ADGRV1: variants seen among roughly 807,000 people sequenced by gnomAD.
ADGRV1 encodes the protein adhesion G protein-coupled receptor V1.
ADGRV1 carries 359 observed loss-of-function variants against 596.2 expected under a neutral mutation model. The ratio of observed to expected loss-of-function variants is 0.60; its 90% confidence interval spans 0.55 to 0.66. ADGRV1 has a LOEUF of 0.66. Among genes scored for constraint, ADGRV1 ranks in the 30% least tolerant of loss-of-function variants. The pLI, the probability that ADGRV1 is intolerant of heterozygous loss-of-function variation, is 0.00. For synonymous variants in ADGRV1, 2,681 were observed against 2,679.2 expected, an observed-to-expected ratio of 1.00 and a Z score of -0.02; for missense variants, 7,274 against 7,575.6, an observed-to-expected ratio of 0.96 and a Z score of 1.48.
chr5:90,930,376 A>G (rs960003835), intron 83 of ADGRV1, among the ~76,000 whole-genome samples: 3 of 152,218 alleles, frequency 2.0e-5, no homozygotes, highest in African/African-American at 7.2e-5. Context: ...CTTAAAAAAA[A>G]TACGTATTTT....
rs554151192 is a variant in ADGRV1 at position 91,072,184 on chromosome 5, A to C, written c.18153-263A>C. Among the ~76,000 whole-genome samples, 12 of 152,244 alleles carry C rather than the reference A, an allele frequency of 7.9e-5. No homozygotes were observed. The South Asian group carries it at 2.1e-3, about 26-fold the overall frequency. ...GAGATGTATATAGTGTGCATCTCTCAAATTTATTTGGCCATAAGCTTTTTT... is the reference window on the plus strand; with the variant it reads ...GAGATGTATATAGTGTGCATCTCTCCAATTTATTTGGCCATAAGCTTTTTT... On this transcript the variant is annotated intron_variant, in intron 85 of 89. Transcript: ENST00000405460.
At chr5:90,660,427 G>A (rs754182810) in intron 21 of ADGRV1, among the ~76,000 whole-genome samples, 28 of 152,154 alleles carry the variant, frequency 1.8e-4, no homozygotes, top group Non-Finnish European at 3.1e-4. Flanking sequence ...TATCTTCTGA[G>A]TTCAAATTTT....
chr5:90,767,406 T>TA (rs1757255483), intron 59 of ADGRV1, among the ~76,000 whole-genome samples: 1 of 152,084 alleles, frequency 6.6e-6, no homozygotes, highest in African/African-American at 2.4e-5. Context: ...ATTCATAAAT[T>TA]AAAAAACTTA....
intron 85 of ADGRV1, among the ~76,000 whole-genome samples, chr5:91,028,732 G>GTTTTT (rs397998676): frequency 0.014 from 1,308 of 95,860 alleles, 58 homozygotes; most frequent in Non-Finnish European, 0.016. Context: ...ACTAGACTCT[G>GTTTTT]TTTTTTTTTT....
intron 74 of ADGRV1, among the ~76,000 whole-genome samples, chr5:90,812,465 C>T (rs1207592101): frequency 6.6e-6 from 1 of 152,104 alleles, no homozygotes; most frequent in Admixed American, 6.5e-5. Context: ...AAGTACTTAA[C>T]TTTTTTTATA....
intron 88 of ADGRV1, among the ~76,000 whole-genome samples, chr5:91,152,898 A>G (rs572238759): frequency 3.9e-5 from 6 of 152,100 alleles, no homozygotes; most frequent in Non-Finnish European, 8.8e-5. Flanking sequence ...GTGGGTCTCT[A>G]ACTCCTGGGC....
Position 90,681,433 on chromosome 5 carries a change from G to C in ADGRV1, c.5643G>C (p.Gly1881=), listed in dbSNP as rs369329609. The C allele has an allele frequency of 2.5e-6, 4 of 1,611,860 alleles. No homozygotes were observed. In the African/African-American group the frequency reaches 5.3e-5, roughly 22 times the overall value. ...LFVSGTEPED[G]YSTVTLNVIR... ...TCAGTGGAACTGAACCAGAAGATGGGTATAGCACTGTTACATTAAATGTGA... is the reference window on the plus strand; with the variant it reads ...TCAGTGGAACTGAACCAGAAGATGGCTATAGCACTGTTACATTAAATGTGA... The change falls in exon 27 of 90, where the codon GGG becomes GGC. Residue 1881 remains glycine, a synonymous_variant. Coordinates refer to ENST00000405460, the MANE Select transcript of ADGRV1 (RefSeq NM_032119.4).
chr5:91,102,424 C>T, intron 87 of ADGRV1, 84 bp downstream of exon 87: 1 of 1,192,898 alleles, frequency 8.4e-7, no homozygotes, highest in South Asian at 1.7e-5. Flanking sequence ...AAGAGTCAAG[C>T]ATCCACACAC....
chr5:90,750,887 A>G (rs1755173912), intron 53 of ADGRV1, among the ~76,000 whole-genome samples, 190 bp downstream of exon 53: 1 of 152,184 alleles, frequency 6.6e-6, no homozygotes, highest in Non-Finnish European at 1.5e-5. Context: ...CTTTTTTAAA[A>G]AAATATAAAA....
intron 51 of ADGRV1, 34 bp downstream of exon 51, chr5:90,745,299 G>T: frequency 7.5e-7 from 1 of 1,329,236 alleles, no homozygotes; most frequent in Non-Finnish European, 1.0e-6. Context: ...GTATCTTTAT[G>T]TTCACTGTAA....
chr5:91,036,801 G>T (rs866772776), intron 85 of ADGRV1, among the ~76,000 whole-genome samples: 11 of 152,118 alleles, frequency 7.2e-5, no homozygotes, highest in African/African-American at 2.7e-4. Context: ...CACAATGCCC[G>T]TGAAGCACAT....
intron 34 of ADGRV1, 43 bp from the exon 35 acceptor site, chr5:90,703,622 A>T: frequency 6.8e-7 from 1 of 1,463,302 alleles, no homozygotes; most frequent in African/African-American, 1.4e-5. Context: ...TGTGAAGTTT[A>T]TTTTCCATTA....
chr5:90,778,433 A>G lies in ADGRV1; in HGVS notation c.12673A>G (p.Asn4225Asp), dbSNP rs1212767009. 1 of 1,612,262 alleles carries G rather than the reference A, an allele frequency of 6.2e-7. No individual in the cohort carries two copies. Among genetic ancestry groups the G allele is most frequent in the Admixed American group, 1.7e-5 (1 of 59,798 alleles). ...ACTCTTTGTCTTTTTCTAGGCTTTGAACGATGACATTCCCGAGGAAAAAAG... is the reference window on the plus strand; with the variant it reads ...ACTCTTTGTCTTTTTCTAGGCTTTGGACGATGACATTCCCGAGGAAAAAAG... Reference protein sequence around the residue: ...SAVIVVIQALNDDIPEEKSFY... With the variant: ...SAVIVVIQALDDDIPEEKSFY... The change falls in exon 63 of 90, where the codon AAC (asparagine) becomes GAC (aspartate). Residue 4225 changes from asparagine to aspartate, a missense_variant. This residue lies in a region of ADGRV1 where 3,643 missense variants were observed against 3,809.2 expected (regional missense o/e 0.96). Coordinates refer to ENST00000405460, the MANE Select transcript of ADGRV1 (RefSeq NM_032119.4).
intron 65 of ADGRV1, among the ~76,000 whole-genome samples, chr5:90,781,804 A>C (rs1013021034): frequency 6.6e-6 from 1 of 152,186 alleles, no homozygotes; most frequent in African/African-American, 2.4e-5. Flanking sequence ...GCCTGTCTAG[A>C]AAAACTATGT....
At chr5:90,847,505 G>A (rs191130735) in intron 78 of ADGRV1, among the ~76,000 whole-genome samples, 2,451 of 152,334 alleles carry the variant, frequency 0.016, 67 homozygotes, top group African/African-American at 0.056. Context: ...CCAGTCCTGC[G>A]CTGTGTGCCC....
At chr5:90,937,045 C>T (rs1458613609) in intron 83 of ADGRV1, among the ~76,000 whole-genome samples, 2 of 152,080 alleles carry the variant, frequency 1.3e-5, no homozygotes, top group Admixed American at 1.3e-4. Flanking sequence ...TATTGTCAGT[C>T]CATTATTCTA....
Position 90,855,877 on chromosome 5 carries a change from A to G in ADGRV1, c.17731A>G (p.Thr5911Ala), listed in dbSNP as rs996597135. 2 of 1,612,880 alleles carry G rather than the reference A, an allele frequency of 1.2e-6. No individual in the cohort carries two copies. The highest frequency in any genetic ancestry group is 2.7e-5 in the African/African-American group (2 of 74,902). The change falls in exon 82 of 90, where the codon ACT (threonine) becomes GCT (alanine). Residue 5911 changes from threonine to alanine, a missense_variant. Coordinates refer to ENST00000405460, the MANE Select transcript of ADGRV1 (RefSeq NM_032119.4). ...GTCTTCATACAATGAAGCCTTCTTCACTTCTGGATTTATATGTATCTCAGG... is the reference window on the plus strand; with the variant it reads ...GTCTTCATACAATGAAGCCTTCTTCGCTTCTGGATTTATATGTATCTCAGG... Reference protein sequence around the residue: ...NLSSYNEAFFTSGFICISGLC... With the variant: ...NLSSYNEAFFASGFICISGLC...
At chr5:90,887,005 C>G (rs558204081) in intron 83 of ADGRV1, among the ~76,000 whole-genome samples, 1 of 152,298 alleles carries the variant, frequency 6.6e-6, no homozygotes, top group South Asian at 2.1e-4. Context: ...CTTCTCTCAA[C>G]CAGTTTGCTC....
chr5:90,704,866 A>T (rs1748388845), intron 36 of ADGRV1, among the ~76,000 whole-genome samples: 1 of 151,810 alleles, frequency 6.6e-6, no homozygotes, highest in Non-Finnish European at 1.5e-5. Context: ...GCTGGAGTGC[A>T]GTGGCGCGAT....
Sources: allele counts gnomAD v4.1 joint callset (sites outside exome capture counted in the v4.1 genomes callset), GRCh38; gene constraint gnomAD v4.1.1; regional missense constraint gnomAD v4.1.1; transcripts MANE v1.5; gene names NCBI Gene and HGNC (gene_info 2026-07-23, HGNC 2026-07-21).